The following VAV3 variants were observed in gnomAD, a reference collection of about 807,000 sequenced individuals.
VAV3 encodes guanine nucleotide exchange factor VAV3.
VAV3 carries 94 observed loss-of-function variants against 131.2 expected under a neutral mutation model. The ratio of observed to expected loss-of-function variants is 0.72; its 90% CI spans 0.61 to 0.85. The LOEUF (loss-of-function observed/expected upper bound fraction) is 0.85, where lower values mean the gene tolerates loss of function less well. Ranked by LOEUF, VAV3 falls within the 40% of genes least tolerant of loss-of-function variation. The pLI, the probability that VAV3 is intolerant of heterozygous loss-of-function variation, is 0.00. For synonymous variants in VAV3, 349 were observed against 342.0 expected, an observed-to-expected ratio of 1.02 and a Z score of -0.22; for missense variants, 939 against 1,002.7, an observed-to-expected ratio of 0.94 and a Z score of 0.86.
At chr1:107,764,089 A>C (rs1443238420) in intron 9 of VAV3, among the ~76,000 whole-genome samples, 1 of 152,012 alleles carries the variant, frequency 6.6e-6, no homozygotes. Flanking sequence ...AAAAAAAACA[A>C]AAAACAAAAA....
At chr1:107,741,434 G>C (rs964232350) in intron 15 of VAV3, among the ~76,000 whole-genome samples, 11 of 152,200 alleles carry the variant, frequency 7.2e-5, no homozygotes, top group African/African-American at 2.7e-4. Flanking sequence ...TCCTCTGCAG[G>C]GAGCAGTGCA....
intron 2 of VAV3, among the ~76,000 whole-genome samples, chr1:107,835,100 C>T (rs924381553): frequency 6.6e-6 from 1 of 152,118 alleles, no homozygotes; most frequent in Non-Finnish European, 1.5e-5. Flanking sequence ...GACTGCTAGG[C>T]CAGGAGAGAG....
chr1:107,712,624 T>C lies in VAV3; in HGVS notation c.1503-7563A>G, dbSNP rs183373547. On this transcript the variant is annotated intron_variant, in intron 15 of 26. Transcript: ENST00000370056. ...ACCGAATATGTGCAAGGACTTGGTA[T>C]GTGATTTTTGTGGCAGTTTATTAGT... is the stretch of plus-strand genomic sequence containing the variant. 3.9e-5 allele frequency among the ~76,000 whole-genome samples: 6 copies of C among 152,330 alleles called. No individual in the cohort carries two copies. In the East Asian group the frequency reaches 1.2e-3, roughly 29 times the overall value.
At chr1:107,957,364 G>A (rs947880766) in intron 1 of VAV3, among the ~76,000 whole-genome samples, 8 of 151,924 alleles carry the variant, frequency 5.3e-5, no homozygotes, top group South Asian at 2.1e-4. Context: ...TCCTGCTCAC[G>A]CCTAGTTTTG....
intron 17 of VAV3, among the ~76,000 whole-genome samples, chr1:107,693,697 GA>G (rs1207953975): frequency 1.3e-5 from 2 of 152,052 alleles, no homozygotes; most frequent in Non-Finnish European, 2.9e-5. Flanking sequence ...CCTATTATGG[GA>G]AAAAGCAACA....
chr1:107,894,136 G>C (rs1557907441), intron 1 of VAV3, among the ~76,000 whole-genome samples: 2 of 152,152 alleles, frequency 1.3e-5, no homozygotes, highest in Non-Finnish European at 2.9e-5. Context: ...TCCTATAGTT[G>C]ACTGTAAATG....
chr1:107,696,013 T>C (rs1240447338), intron 17 of VAV3, among the ~76,000 whole-genome samples: 1 of 152,134 alleles, frequency 6.6e-6, no homozygotes. Flanking sequence ...CCCTCTTAAA[T>C]TTTTTATTTT....
At chr1:107,854,205 G>A (rs1280658090) in intron 2 of VAV3, among the ~76,000 whole-genome samples, 2 of 152,188 alleles carry the variant, frequency 1.3e-5, no homozygotes, top group Non-Finnish European at 2.9e-5. Flanking sequence ...AGTTACTCTG[G>A]AGGATGGGAC....
At chr1:107,671,199 G>T (rs2101673506) in intron 19 of VAV3, among the ~76,000 whole-genome samples, 1 of 152,282 alleles carries the variant, frequency 6.6e-6, no homozygotes, top group Non-Finnish European at 1.5e-5. Context: ...AAGAAGGAAA[G>T]CTCTGTCCTG....
intron 1 of VAV3, among the ~76,000 whole-genome samples, chr1:107,916,334 T>G (rs993657611): frequency 6.6e-6 from 1 of 152,168 alleles, no homozygotes; most frequent in Non-Finnish European, 1.5e-5. Context: ...CTACAATCAA[T>G]CTATGCTGTT....
At chr1:107,760,305 A>G (rs189005379) in intron 10 of VAV3, among the ~76,000 whole-genome samples, 64 of 152,304 alleles carry the variant, frequency 4.2e-4, no homozygotes, top group Non-Finnish European at 7.9e-4. Context: ...TTTGTGGGCT[A>G]TAACAAGAAT....
intron 20 of VAV3, among the ~76,000 whole-genome samples, chr1:107,636,274 T>G (rs1654924926): frequency 6.6e-6 from 1 of 152,172 alleles, no homozygotes; most frequent in Non-Finnish European, 1.5e-5. Flanking sequence ...AACAGCAGAT[T>G]AGAATAGAAA....
intron 1 of VAV3, among the ~76,000 whole-genome samples, chr1:107,892,824 T>C (rs975912085): frequency 2.6e-5 from 4 of 152,206 alleles, no homozygotes; most frequent in African/African-American, 9.7e-5. Flanking sequence ...AAGATAACCT[T>C]TTTCTTGGCC....
intron 19 of VAV3, among the ~76,000 whole-genome samples, chr1:107,678,362 T>G (rs1028548978): frequency 2.0e-5 from 3 of 152,216 alleles, no homozygotes; most frequent in Admixed American, 2.0e-4. Flanking sequence ...CAGGTTTGAC[T>G]GATTAATATG....
rs139156424 is a variant in VAV3, at chr1:107,777,245, A to G, written c.432T>C (p.Leu144=). The stretch of plus-strand genomic sequence containing the variant: ...TTTCAACATACTCTATTAAATCAGG[A>G]AGGCCTTTGTAGATGTCTTCATCAT... ...SINDEDIYKG[L]PDLIDETLVE... The change falls in exon 4 of 27, where the codon CTT becomes CTC. Residue 144 remains leucine, a synonymous_variant. Transcript: ENST00000370056. The G allele has an allele frequency of 1.5e-5, 24 of 1,613,912 alleles. No homozygotes were observed. The highest frequency in any genetic ancestry group is 1.9e-5 in the Non-Finnish European group (23 of 1,179,948).
At chr1:107,941,253 A>G (rs1343924027) in intron 1 of VAV3, among the ~76,000 whole-genome samples, 1 of 152,126 alleles carries the variant, frequency 6.6e-6, no homozygotes, top group Non-Finnish European at 1.5e-5. Context: ...TCTGAGTCCC[A>G]TGTTTCTAGT....
intron 20 of VAV3, among the ~76,000 whole-genome samples, chr1:107,642,128 G>A (rs753857951): frequency 2.8e-4 from 43 of 152,162 alleles, no homozygotes; most frequent in Non-Finnish European, 4.1e-4. Context: ...GGCAAAATGA[G>A]GCTGAAACCT....
intron 1 of VAV3, among the ~76,000 whole-genome samples, chr1:107,925,862 T>C (rs1412032772): frequency 1.3e-5 from 2 of 148,312 alleles, no homozygotes; most frequent in African/African-American, 2.5e-5. Context: ...TATGTATATA[T>C]AAACAGATAT....
At chr1:107,724,086 T>C (rs145932574) in intron 15 of VAV3, among the ~76,000 whole-genome samples, 2 of 152,208 alleles carry the variant, frequency 1.3e-5, no homozygotes, top group African/African-American at 4.8e-5. Context: ...TAGAAATTAA[T>C]ATGTGAGTCA....
Sources: allele counts gnomAD v4.1 joint callset (sites outside exome capture counted in the v4.1 genomes callset), GRCh38; gene constraint gnomAD v4.1.1; transcripts MANE v1.5; gene names NCBI Gene and HGNC (gene_info 2026-07-23, HGNC 2026-07-21).